Variants in ZNF618 observed in about 807,000 individuals in gnomAD.
The protein encoded by ZNF618 is neural precursor cell expressed, developmentally down-regulated 10.
A neutral mutation model predicts 103.0 loss-of-function variants in ZNF618; 34 were observed. The observed-to-expected ratio is 0.33, with a 90% confidence interval of 0.25 to 0.44. The LOEUF (loss-of-function observed/expected upper bound fraction) is 0.44. Ranked by LOEUF, ZNF618 falls within the 20% of genes least tolerant of loss-of-function variation. The pLI is 1.00. For synonymous variants in ZNF618, 551 were observed against 542.2 expected, an observed-to-expected ratio of 1.02 and a Z score of -0.23; for missense variants, 1,059 against 1,295.4, an observed-to-expected ratio of 0.82 and a Z score of 2.80.
At chr9:113,985,718 T>C (rs1385096168) in intron 2 of ZNF618, among the ~76,000 whole-genome samples, 1 of 152,198 alleles carries the variant, frequency 6.6e-6, no homozygotes, top group Non-Finnish European at 1.5e-5. Flanking sequence ...TCTGCGAGTT[T>C]GTCTCCCAGT....
At chr9:113,982,722 G>A (rs1839085598) in intron 2 of ZNF618, among the ~76,000 whole-genome samples, 1 of 152,122 alleles carries the variant, frequency 6.6e-6, no homozygotes, top group Non-Finnish European at 1.5e-5. Flanking sequence ...GAGTCTTAGA[G>A]CCTTGCTCAA....
intron 2 of ZNF618, among the ~76,000 whole-genome samples, chr9:113,970,538 C>T (rs1369862433): frequency 1.3e-5 from 2 of 152,028 alleles, no homozygotes; most frequent in Non-Finnish European, 2.9e-5. Context: ...CATGGTGATA[C>T]CTAAATTTGC....
intron 10 of ZNF618, among the ~76,000 whole-genome samples, chr9:114,020,313 A>G (rs918115919): frequency 6.6e-6 from 1 of 151,612 alleles, no homozygotes; most frequent in Non-Finnish European, 1.5e-5. Flanking sequence ...TTATTCTTCC[A>G]TATTCATGTT....
At chr9:113,951,438 T>C (rs12379882) in intron 1 of ZNF618, among the ~76,000 whole-genome samples, 1 of 67,656 alleles carries the variant, frequency 1.5e-5, no homozygotes, top group Non-Finnish European at 3.0e-5. Context: ...TGTGTATATA[T>C]ATACATATAT....
At chr9:114,029,681 A>T (rs1588401208) in intron 11 of ZNF618, among the ~76,000 whole-genome samples, 1 of 152,164 alleles carries the variant, frequency 6.6e-6, no homozygotes, top group Non-Finnish European at 1.5e-5. Context: ...ACAAAGCAGG[A>T]TAAGCCGGAT....
intron 4 of ZNF618, among the ~76,000 whole-genome samples, chr9:114,001,787 G>A (rs1391954281): frequency 6.6e-6 from 1 of 152,156 alleles, no homozygotes; most frequent in South Asian, 2.1e-4. Context: ...ATGGGGGGGT[G>A]CCTTGCCCAA....
chr9:113,937,508 G>A (rs1210185148), intron 1 of ZNF618, among the ~76,000 whole-genome samples: 2 of 152,188 alleles, frequency 1.3e-5, no homozygotes, highest in Non-Finnish European at 2.9e-5. Context: ...TGGATTCTGA[G>A]TGAAATTGTT....
chr9:114,008,576 G>A (rs772907329), intron 9 of ZNF618, 22 bp downstream of exon 9: 3 of 1,612,734 alleles, frequency 1.9e-6, no homozygotes, highest in Non-Finnish European at 1.7e-6. Context: ...TCCCTCTGGG[G>A]CCAAGGGCTG....
At chr9:113,942,255 T>G (rs1212874425) in intron 1 of ZNF618, among the ~76,000 whole-genome samples, 1 of 152,114 alleles carries the variant, frequency 6.6e-6, no homozygotes, top group Non-Finnish European at 1.5e-5. Flanking sequence ...TCCTTTTTTT[T>G]TTTTTTAAAT....
At chr9:113,917,338 C>G (rs1039309377) in intron 1 of ZNF618, among the ~76,000 whole-genome samples, 10 of 150,534 alleles carry the variant, frequency 6.6e-5, no homozygotes, top group Middle Eastern at 3.5e-3. Context: ...CACTACCTCC[C>G]GGGCTCAACT....
At chr9:114,032,410 C>T (rs747105665) in intron 11 of ZNF618, among the ~76,000 whole-genome samples, 14 of 152,108 alleles carry the variant, frequency 9.2e-5, no homozygotes, top group Non-Finnish European at 1.3e-4. Context: ...GCATGTCACT[C>T]CCCCGGCCCC....
Position 113,886,175 on chromosome 9 carries a change from A to G in ZNF618, c.33+9762A>G, listed in dbSNP as rs181345496. On this transcript the variant is annotated intron_variant, in intron 1 of 14. Transcript: ENST00000374126. ...CCCTGGCTCGCAGTTTGCTGGTAGCACTCAAAGTCAAAAGTGCTTTTGGCT... is the reference window on the plus strand; with the variant it reads ...CCCTGGCTCGCAGTTTGCTGGTAGCGCTCAAAGTCAAAAGTGCTTTTGGCT... 6.6e-5 allele frequency among the ~76,000 whole-genome samples: 10 copies of G among 152,278 alleles called. No individual in the cohort carries two copies. The East Asian group carries it at 1.7e-3, about 26-fold the overall frequency.
chr9:114,027,497 G>C (rs894402663), intron 10 of ZNF618, among the ~76,000 whole-genome samples: 9 of 152,252 alleles, frequency 5.9e-5, no homozygotes, highest in East Asian at 1.9e-4. Context: ...CCATGCACCA[G>C]TGTGGTAAAT....
intron 1 of ZNF618, among the ~76,000 whole-genome samples, chr9:113,958,570 A>C (rs1836533219): frequency 6.6e-6 from 1 of 152,222 alleles, no homozygotes; most frequent in African/African-American, 2.4e-5. Context: ...TGAGGTGGGC[A>C]GTGGGATCTC....
At chr9:114,016,224 A>T in intron 9 of ZNF618, 49 of 1,427,448 alleles carry the variant, frequency 3.4e-5, no homozygotes, top group Non-Finnish European at 4.5e-5. Flanking sequence ...CCCTGCTGCT[A>T]GTGGGTGGGG....
chr9:113,967,072 G>A (rs1837478182), intron 1 of ZNF618, among the ~76,000 whole-genome samples: 1 of 152,210 alleles, frequency 6.6e-6, no homozygotes, highest in Non-Finnish European at 1.5e-5. Flanking sequence ...GTGTGAAATT[G>A]TGAAGGAAAA....
At chr9:114,008,226 A>G in intron 7 of ZNF618, 118 bp from the exon 8 acceptor site, 1 of 1,429,824 alleles carries the variant, frequency 7.0e-7, no homozygotes, top group Non-Finnish European at 9.5e-7. Flanking sequence ...CTGGGCCCCA[A>G]GGCAAACCCA....
At chr9:114,000,435 C>T (rs755807909) in intron 4 of ZNF618, among the ~76,000 whole-genome samples, 10 of 152,176 alleles carry the variant, frequency 6.6e-5, no homozygotes, top group Admixed American at 2.0e-4. Context: ...GCTTTGAATG[C>T]GGCCCAACAC....
chr9:114,028,702 C>T (rs1361621720), intron 10 of ZNF618, 31 bp from the exon 11 acceptor site: 2 of 1,536,328 alleles, frequency 1.3e-6, no homozygotes, highest in South Asian at 2.4e-5. Context: ...GCTGGGAGGG[C>T]CCTCGGGGAC....
Sources: gnomAD v4.1 joint callset for allele counts (sites outside exome capture counted in the v4.1 genomes callset) on GRCh38, gnomAD v4.1.1 for gene constraint, MANE v1.5 for transcripts, NCBI Gene and HGNC (gene_info 2026-07-23, HGNC 2026-07-21) for gene names.